The following MDFI variants were observed in gnomAD, a reference collection of about 807,000 sequenced individuals.
MDFI encodes inhibitor of MyoD family a.
In MDFI, 16 loss-of-function variants were observed where a neutral mutation model predicts 22.3. The ratio of observed to expected loss-of-function variants is 0.72; its 90% CI spans 0.49 to 1.09. The LOEUF is 1.09. Among genes scored for constraint, MDFI ranks in the 50% least tolerant of loss-of-function variants. The pLI is 0.00. For missense variants in MDFI, 314 were observed against 326.1 expected, an observed-to-expected ratio of 0.96 and a Z score of 0.29; for synonymous variants, 145 against 142.7, an observed-to-expected ratio of 1.02 and a Z score of -0.12.
rs571448300 is a variant in MDFI, at chr6:41,648,467, C to G, written c.260-1152C>G. Among the ~76,000 whole-genome samples, 3 of 152,316 alleles carry G rather than the reference C, an allele frequency of 2.0e-5. No individual in the cohort carries two copies. The East Asian group carries it at 5.8e-4, about 29-fold the overall frequency. ...TGCTGCCATCACTGGAAGACCCGGC[C>G]TCTTCAGCCAAGGGAGGCACCGAGG... is the stretch of plus-strand genomic sequence containing the variant. On this transcript the variant is annotated intron_variant, in intron 3 of 4. Coordinates refer to ENST00000230321, the MANE Select transcript of MDFI (RefSeq NM_005586.4).
chr6:41,643,544 A>AGGAG (rs1289011963), intron 2 of MDFI, among the ~76,000 whole-genome samples: 1 of 101,786 alleles, frequency 9.8e-6, no homozygotes, highest in Non-Finnish European at 2.0e-5. Context: ...GAAGGAGGGA[A>AGGAG]GGAGGGAAGG....
rs749633342 is a variant in MDFI, at chr6:41,653,368, G to T, written c.534G>T (p.Thr178=). 2.5e-6 allele frequency: 4 copies of T among 1,612,260 alleles called. No homozygotes were observed. Among genetic ancestry groups the T allele is most frequent in the Non-Finnish European group, 3.4e-6 (4 of 1,180,010 alleles). Residue 178 remains threonine, a synonymous_variant, in exon 5 of 5, where the codon ACG becomes ACT. Coordinates refer to ENST00000230321, the MANE Select transcript of MDFI (RefSeq NM_005586.4). This position sits in a 1 kb window ranked among gnomAD's most constrained non-coding sequence, Gnocchi z 4.2. Reference sequence around the variant, plus strand: ...CCTGCCTGTTCTGCGAGTTCCTGACGCTGTGCAACATCGTCCTGGACTGCG... The same window carrying T: ...CCTGCCTGTTCTGCGAGTTCCTGACTCTGTGCAACATCGTCCTGGACTGCG... ...ILSCLFCEFL[T]LCNIVLDCAT...
At chr6:41,639,975 G>C in intron 2 of MDFI, 1 of 959,566 alleles carries the variant, frequency 1.0e-6, no homozygotes, top group African/African-American at 1.8e-5. Flanking sequence ...GTGAGGACAA[G>C]TGGAAGATGT....
At chr6:41,640,425 G>A (rs1202577968) in intron 2 of MDFI, among the ~76,000 whole-genome samples, 1 of 152,152 alleles carries the variant, frequency 6.6e-6, no homozygotes, top group Non-Finnish European at 1.5e-5. Flanking sequence ...TAAGCTCTGG[G>A]CTGTAACTTG....
Position 41,653,201 on chromosome 6 carries a change from G to A in MDFI, c.485-118G>A, listed in dbSNP as rs1002936207. On this transcript the variant is annotated intron_variant, in intron 4 of 4. Coordinates refer to ENST00000230321, the MANE Select transcript of MDFI (RefSeq NM_005586.4). This position sits in a 1 kb window ranked among gnomAD's most constrained non-coding sequence, Gnocchi z 4.2. ...CGGATTCGTGAGCTTCAGGCACACA[G>A]TGAACACTCAGCGTCCCTGCTGCTG... 1.9e-4 allele frequency: 195 copies of A among 1,051,528 alleles called. 1 individual carries two copies. Among genetic ancestry groups the A allele is most frequent in the Non-Finnish European group, 2.6e-4 (183 of 702,300 alleles). 65.1% of individuals were successfully genotyped at this position (1,051,528 alleles called of 1,614,324 possible). A position where few individuals can be genotyped will look rare whatever the true frequency, so the allele number is the denominator to read the frequency against.
In MDFI at chr6:41,638,509, A is replaced by G. The variant is rs1767714031; in HGVS notation, c.-155A>G. Reference sequence around the variant, plus strand: ...CGGCGTGAGCTGGCGCCGAAATGGGAGAAAGCAGCGAGTGAGAGGGGAAGG... The same window carrying G: ...CGGCGTGAGCTGGCGCCGAAATGGGGGAAAGCAGCGAGTGAGAGGGGAAGG... On this transcript the variant is annotated 5_prime_UTR_variant, in exon 1 of 5. Coordinates refer to ENST00000230321, the MANE Select transcript of MDFI (RefSeq NM_005586.4). This position sits in a 1 kb window ranked among gnomAD's most constrained non-coding sequence, Gnocchi z 7.6. 1 of 528,164 alleles carries G rather than the reference A, an allele frequency of 1.9e-6. No homozygotes were observed. The highest frequency in any genetic ancestry group is 3.3e-6 in the Non-Finnish European group (1 of 302,158). The allele number at this position is 528,164 out of a possible 1,614,324, so 32.7% of individuals were successfully genotyped here.
rs753476962 is a variant in MDFI, at chr6:41,646,132, C to G, written c.83C>G (p.Thr28Ser). The change falls in exon 3 of 5, where the codon ACC becomes AGC. Residue 28 changes from threonine (T) to serine (S), a missense_variant. Physicochemically the swap from Thr to Ser is moderately conservative, Grantham distance 58. Coordinates refer to ENST00000230321, the MANE Select transcript of MDFI (RefSeq NM_005586.4). The stretch of plus-strand genomic sequence containing the variant: ...TCATCTGCTTTTTTCCTAGCCCAGA[C>G]CCTATCCCTCCTTCCTGGGCTGGAG... Reference protein sequence around the residue: ...APSAAPGPAQTLSLLPGLEVV... With the variant: ...APSAAPGPAQSLSLLPGLEVV... 6.6e-7 allele frequency: 1 copy of G among 1,521,974 alleles called. No individual in the cohort carries two copies. The highest frequency in any genetic ancestry group is 8.8e-7 in the Non-Finnish European group (1 of 1,135,250). The allele number at this position is 1,521,974 out of a possible 1,614,324, so 94.3% of individuals were successfully genotyped here.
chr6:41,651,533 C>T (rs1768272429), intron 4 of MDFI, among the ~76,000 whole-genome samples: 1 of 128,122 alleles, frequency 7.8e-6, no homozygotes, highest in African/African-American at 3.1e-5. Flanking sequence ...CTGGGAGGTC[C>T]TTACCAACCA....
rs369427438 is a variant in MDFI, at chr6:41,653,515, C to T, written c.681C>T (p.Cys227=). The change falls in exon 5 of 5, where the codon TGC becomes TGT. Residue 227 remains cysteine, a synonymous_variant. Coordinates refer to ENST00000230321, the MANE Select transcript of MDFI (RefSeq NM_005586.4). The surrounding 1 kb of genome is among the most constrained non-coding windows in gnomAD (Gnocchi z 4.2). ...ACTGCGGCATCCTGGATGCCTGCTG[C>T]GAGTCCGCGGACTGCCTGGAGATCT... ...DLDCGILDAC[C]ESADCLEICM... is the part of the protein sequence containing the mutation. 12 of 1,601,938 alleles carry T rather than the reference C, an allele frequency of 7.5e-6. No homozygotes were observed. Among genetic ancestry groups the T allele is most frequent in the Admixed American group, 3.3e-5 (2 of 60,002 alleles).
rs1423544565 is a variant in MDFI at position 41,638,764 on chromosome 6, C to T, written c.15C>T (p.Ser5=). MYQV[S]GQRPSGCDAP... Reference sequence around the variant, plus strand: ...GTCCGGGGCCGATGTACCAGGTGAGCGGCCAGCGCCCCTCTGGCTGCGACG... The same window carrying T: ...GTCCGGGGCCGATGTACCAGGTGAGTGGCCAGCGCCCCTCTGGCTGCGACG... The change falls in exon 2 of 5, where the codon AGC becomes AGT. Residue 5 remains serine (S), a synonymous_variant. Coordinates refer to ENST00000230321, the MANE Select transcript of MDFI (RefSeq NM_005586.4). The surrounding 1 kb of genome is among the most constrained non-coding windows in gnomAD (Gnocchi z 7.6). The T allele has an allele frequency of 6.4e-7, 1 of 1,569,698 alleles. No homozygotes were observed.
At chr6:41,647,294 G>A (rs899567678) in intron 3 of MDFI, among the ~76,000 whole-genome samples, 2 of 152,212 alleles carry the variant, frequency 1.3e-5, no homozygotes, top group Admixed American at 1.3e-4. Flanking sequence ...CTGTGACTCA[G>A]CCCCCACGGC....
intron 3 of MDFI, among the ~76,000 whole-genome samples, chr6:41,647,154 G>C (rs930857942): frequency 6.6e-6 from 1 of 152,200 alleles, no homozygotes; most frequent in African/African-American, 2.4e-5. Flanking sequence ...ACTAGTGCAC[G>C]GCCCTCGGTC....
At chr6:41,641,291 CACTAGCAAATTGTA>C (rs1767845578) in intron 2 of MDFI, among the ~76,000 whole-genome samples, 1 of 152,188 alleles carries the variant, frequency 6.6e-6, no homozygotes, top group South Asian at 2.1e-4. Flanking sequence ...GCCGGGATTT[CACTAGCAAATTGTA>C]ATTAACAAGA....
chr6:41,649,979 A>G lies in MDFI; in HGVS notation c.484+136A>G, dbSNP rs544793276. ...AGGATCTCAGCCTCCTTCCACGCCT[A>G]CTGGATTGGAATCTCTGGTGGAGCT... On this transcript the variant is annotated intron_variant, in intron 4 of 4. Transcript: ENST00000230321. 2.4e-5 allele frequency: 18 copies of G among 747,956 alleles called. No individual in the cohort carries two copies. The South Asian group carries it at 3.3e-4, about 14-fold the overall frequency. 46.3% of individuals were successfully genotyped at this position (747,956 alleles called of 1,614,324 possible).
intron 4 of MDFI, 104 bp downstream of exon 4, chr6:41,649,947 G>A (rs1768208249): frequency 2.1e-6 from 2 of 974,640 alleles, no homozygotes; most frequent in Admixed American, 5.0e-5. Flanking sequence ...CTGTTACTTA[G>A]AGATGCAGGA....
intron 2 of MDFI, chr6:41,639,534 G>A (rs2127425320): frequency 1.0e-6 from 1 of 985,434 alleles, no homozygotes; most frequent in African/African-American, 1.7e-5. Context: ...TGGAGTAGGG[G>A]CCTCGCCGGC....
In MDFI at chr6:41,653,515, C is replaced by A; in HGVS notation, c.681C>A (p.Cys227Ter). Reference sequence around the variant, plus strand: ...ACTGCGGCATCCTGGATGCCTGCTGCGAGTCCGCGGACTGCCTGGAGATCT... The same window carrying A: ...ACTGCGGCATCCTGGATGCCTGCTGAGAGTCCGCGGACTGCCTGGAGATCT... ...DLDCGILDAC[C>*]ESADCLEICM... The change falls in exon 5 of 5, where the codon TGC becomes TGA. Residue 227 changes from cysteine to a stop codon, truncating the protein, a stop_gained. Coordinates refer to ENST00000230321, the MANE Select transcript of MDFI (RefSeq NM_005586.4). LOFTEE classifies it high-confidence loss of function. This position sits in a 1 kb window ranked among gnomAD's most constrained non-coding sequence, Gnocchi z 4.2. 6.2e-7 allele frequency: 1 copy of A among 1,602,058 alleles called. No individual in the cohort carries two copies. The highest frequency in any genetic ancestry group is 8.5e-7 in the Non-Finnish European group (1 of 1,179,940).
At position 41,653,339 on chromosome 6, in the gene MDFI, C is replaced by CTGCCTG; in HGVS notation, c.507_508insCCTGTG (p.Leu169_Ser170insProVal). 1 of 1,612,734 alleles carries CTGCCTG rather than the reference C, an allele frequency of 6.2e-7. No homozygotes were observed. Among genetic ancestry groups the CTGCCTG allele is most frequent in the Non-Finnish European group, 8.5e-7 (1 of 1,179,908 alleles). ...CGCAGACTGCTGTGTCCACTGCATCCTGTCCTGCCTGTTCTGCGAGTTCCT... is the reference window on the plus strand; with the variant it reads ...CGCAGACTGCTGTGTCCACTGCATCCTGCCTGTGTCCTGCCTGTTCTGCGAGTTCCT... On this transcript the variant is annotated inframe_insertion, in exon 5 of 5. Transcript: ENST00000230321. This position sits in a 1 kb window ranked among gnomAD's most constrained non-coding sequence, Gnocchi z 4.2.
At chr6:41,639,846 G>C (rs75852965) in intron 2 of MDFI, 153,524 of 985,364 alleles carry the variant, frequency 0.16, 12,703 homozygotes, top group Non-Finnish European at 0.17. Flanking sequence ...TCTCTGGCCT[G>C]AGCCTCCACA....
Sources: gnomAD v4.1 joint callset for allele counts (sites outside exome capture counted in the v4.1 genomes callset) on GRCh38, gnomAD v4.1.1 for gene constraint, Gnocchi (gnomAD v3.1) non-coding constraint, MANE v1.5 for transcripts, NCBI Gene and HGNC (gene_info 2026-07-23, HGNC 2026-07-21) for gene names.